FOXP2: variants seen among roughly 807,000 people sequenced by gnomAD.
FOXP2 encodes forkhead box P2, also known as forkhead box protein P2.
FOXP2 carries 12 observed loss-of-function variants against 115.8 expected under a neutral mutation model. That is an observed-to-expected ratio of 0.10 (90% confidence interval 0.07 to 0.17). The LOEUF (loss-of-function observed/expected upper bound fraction) is 0.17, where lower values mean the gene tolerates loss of function less well. Ranked by LOEUF, FOXP2 falls within the 10% of genes least tolerant of loss-of-function variation. FOXP2 has a pLI of 1.00. For synonymous variants in FOXP2, 328 were observed against 297.7 expected (o/e 1.10, Z -1.05); for missense variants, 629 against 843.5 (o/e 0.75, Z 3.15).
intron 3 of FOXP2, chr7:114,560,917 G>C (rs1333176355): frequency 6.6e-6 from 1 of 152,190 alleles, no homozygotes; most frequent in Non-Finnish European, 1.5e-5. Context: ...AAAGGATATA[G>C]AGTTGCTTAC....
intron 2 of FOXP2, among the ~76,000 whole-genome samples, chr7:114,399,114 C>CTTTTTT (rs66789053): frequency 1.4e-5 from 2 of 141,406 alleles, no homozygotes. Flanking sequence ...TTTTCTTTTT[C>CTTTTTT]TTTTTTTTTT....
chr7:114,498,239 G>T (rs17137054), intron 2 of FOXP2, among the ~76,000 whole-genome samples: 3,754 of 152,202 alleles, frequency 0.025, 151 homozygotes, highest in African/African-American at 0.085. Context: ...ATCAGGAAGT[G>T]TAAACATTTC....
intron 1 of FOXP2, among the ~76,000 whole-genome samples, chr7:114,095,291 A>C (rs1266733416): frequency 6.6e-6 from 1 of 152,198 alleles, no homozygotes; most frequent in East Asian, 1.9e-4. Flanking sequence ...CATGGAATCA[A>C]ATCTAAAGCT....
intron 2 of FOXP2, among the ~76,000 whole-genome samples, chr7:114,319,652 C>G (rs1797363720): frequency 6.6e-6 from 1 of 152,166 alleles, no homozygotes; most frequent in Non-Finnish European, 1.5e-5. Context: ...CCCCATGAAT[C>G]AGTCACCTCC....
chr7:114,379,346 C>T (rs569017971), intron 2 of FOXP2, among the ~76,000 whole-genome samples: 107 of 152,214 alleles, frequency 7.0e-4, no homozygotes, highest in African/African-American at 2.5e-3. Context: ...AAGGTGGATG[C>T]GGTCACCTTC....
intron 1 of FOXP2, among the ~76,000 whole-genome samples, chr7:114,246,682 A>T (rs924677245): frequency 6.6e-6 from 1 of 151,992 alleles, no homozygotes; most frequent in Non-Finnish European, 1.5e-5. Context: ...ATCATGAGGG[A>T]TTCAGGTCAC....
chr7:114,353,334 C>CTTTTTT (rs138925770), intron 2 of FOXP2, among the ~76,000 whole-genome samples: 11 of 64,114 alleles, frequency 1.7e-4, no homozygotes, highest in East Asian at 6.2e-4. Context: ...ATAGGAGCCT[C>CTTTTTT]TTTTTTTTTT....
At chr7:114,598,688 C>T (rs1802852762) in intron 3 of FOXP2, among the ~76,000 whole-genome samples, 1 of 152,074 alleles carries the variant, frequency 6.6e-6, no homozygotes. Context: ...TGTTGTGCAA[C>T]CAGTCTCCAG....
In FOXP2 at chr7:114,628,536, C is replaced by T. The variant is rs752334218; in HGVS notation, c.259-4C>T. ...TTTTCTTTCTCTTTCTCTTTCTGTG[C>T]AAGGTGCCTGTGTCAGTGGCCATGA... On this transcript the variant is annotated splice_region_variant and splice_polypyrimidine_tract_variant and intron_variant, in intron 3 of 16. Coordinates refer to ENST00000350908, the MANE Select transcript of FOXP2 (RefSeq NM_014491.4). The T allele has an allele frequency of 1.9e-5, 31 of 1,613,820 alleles. No individual in the cohort carries two copies. The highest frequency in any genetic ancestry group is 5.0e-5 in the Admixed American group (3 of 59,972).
intron 1 of FOXP2, among the ~76,000 whole-genome samples, chr7:114,227,537 TGAATACCTGTCTTTCTA>T (rs59801250): frequency 0.66 from 100,156 of 151,524 alleles, 33,580 homozygotes; most frequent in Admixed American, 0.79. Context: ...AAGTCTTTCT[TGAATACCTGTCTTTCTA>T]GAATACCTGT....
intron 2 of FOXP2, among the ~76,000 whole-genome samples, chr7:114,470,015 G>T (rs1373270254): frequency 6.6e-6 from 1 of 152,130 alleles, no homozygotes; most frequent in Non-Finnish European, 1.5e-5. Flanking sequence ...ACTTCTAGGA[G>T]TTTATAGGTA....
At chr7:114,190,565 T>G (rs2129157225) in intron 1 of FOXP2, among the ~76,000 whole-genome samples, 1 of 152,310 alleles carries the variant, frequency 6.6e-6, no homozygotes, top group South Asian at 2.1e-4. Context: ...ACCATGGGAC[T>G]TCTTAGCTTT....
intron 2 of FOXP2, among the ~76,000 whole-genome samples, chr7:114,351,070 C>A (rs1791476831): frequency 6.6e-6 from 1 of 152,122 alleles, no homozygotes; most frequent in African/African-American, 2.4e-5. Context: ...AGCACAGACA[C>A]AACCATCTAT....
At chr7:114,199,271 G>A (rs867669676) in intron 1 of FOXP2, among the ~76,000 whole-genome samples, 5 of 152,122 alleles carry the variant, frequency 3.3e-5, no homozygotes, top group African/African-American at 1.2e-4. Flanking sequence ...ATGGCTTAGA[G>A]AATTTGACAC....
intron 3 of FOXP2, among the ~76,000 whole-genome samples, chr7:114,535,997 T>A (rs1194455987): frequency 6.6e-6 from 1 of 151,624 alleles, no homozygotes; most frequent in African/African-American, 2.4e-5. Flanking sequence ...CAATTTATAA[T>A]GGGAGCGTAG....
chr7:114,371,962 T>C (rs959453654), intron 2 of FOXP2, among the ~76,000 whole-genome samples: 4 of 152,230 alleles, frequency 2.6e-5, no homozygotes, highest in Non-Finnish European at 4.4e-5. Flanking sequence ...TATATATCCA[T>C]ATGAATATAT....
intron 2 of FOXP2, among the ~76,000 whole-genome samples, chr7:114,468,312 TTG>T (rs138466485): frequency 6.6e-6 from 1 of 151,692 alleles, no homozygotes; most frequent in Non-Finnish European, 1.5e-5. Context: ...TGGCTCTGCA[TTG>T]TGTGTGTGTG....
At chr7:114,360,411 A>G (rs1791719716) in intron 2 of FOXP2, among the ~76,000 whole-genome samples, 1 of 152,132 alleles carries the variant, frequency 6.6e-6, no homozygotes, top group African/African-American at 2.4e-5. Flanking sequence ...TAGATAAAAA[A>G]CAACTAAGAA....
At chr7:114,658,402 T>C in intron 11 of FOXP2, 135 bp downstream of exon 11, 1 of 956,498 alleles carries the variant, frequency 1.0e-6, no homozygotes, top group Non-Finnish European at 1.6e-6. Flanking sequence ...GTTTTATTCC[T>C]GGTAAATGCG....
Sources: gnomAD v4.1 joint callset for allele counts (sites outside exome capture counted in the v4.1 genomes callset) on GRCh38, gnomAD v4.1.1 for gene constraint, MANE v1.5 for transcripts, NCBI Gene and HGNC (gene_info 2026-07-23, HGNC 2026-07-21) for gene names.